The following RBFOX1 variants were observed in gnomAD, a reference collection of about 807,000 sequenced individuals.
The protein encoded by RBFOX1 is RNA binding fox-1 homolog 1.
A neutral mutation model predicts 57.7 loss-of-function variants in RBFOX1; 8 were observed. The ratio of observed to expected loss-of-function variants is 0.14; its 90% confidence interval spans 0.08 to 0.25. The LOEUF is 0.25. RBFOX1 is among the 10% of genes least tolerant of loss of function. The pLI is 1.00. For synonymous variants in RBFOX1, 326 were observed against 222.4 expected (o/e 1.47, Z -4.15); for missense variants, 611 against 548.5 (o/e 1.11, Z -1.14).
At chr16:7,002,015 G>C (rs1051961231) in intron 3 of RBFOX1, among the ~76,000 whole-genome samples, 3 of 152,048 alleles carry the variant, frequency 2.0e-5, no homozygotes, top group Admixed American at 6.6e-5. Flanking sequence ...GTATCCCTGG[G>C]CATAGTTGAT....
chr16:5,988,598 G>A (rs1217434645), intron 4 of RBFOX1, among the ~76,000 whole-genome samples: 1 of 152,122 alleles, frequency 6.6e-6, no homozygotes, highest in East Asian at 1.9e-4. Context: ...CCACTGGGAC[G>A]ACTGAGTGCC....
intron 3 of RBFOX1, among the ~76,000 whole-genome samples, chr16:6,969,655 G>A (rs1249299769): frequency 6.6e-6 from 1 of 152,130 alleles, no homozygotes; most frequent in Non-Finnish European, 1.5e-5. Context: ...GAGGTGGGAG[G>A]ATGGCTTGAG....
At chr16:7,509,991 T>C in intron 4 of RBFOX1, 1 of 173,812 alleles carries the variant, frequency 5.8e-6, no homozygotes, top group Non-Finnish European at 1.1e-5. Flanking sequence ...CCCTTCCTCC[T>C]CTATATAATC....
intron 9 of RBFOX1, among the ~76,000 whole-genome samples, chr16:7,601,681 C>T (rs555951905): frequency 2.8e-4 from 43 of 152,246 alleles, no homozygotes; most frequent in African/African-American, 9.4e-4. Flanking sequence ...CATTTAATCT[C>T]CCTATCAGTC....
chr16:6,250,693 GCA>G (rs2097602810), intron 1 of RBFOX1, among the ~76,000 whole-genome samples: 1 of 152,166 alleles, frequency 6.6e-6, no homozygotes, highest in African/African-American at 2.4e-5. Context: ...GCTGTTCTCA[GCA>G]TGGAGTATGT....
intron 4 of RBFOX1, among the ~76,000 whole-genome samples, chr16:5,992,294 G>C (rs758120888): frequency 1.3e-5 from 2 of 152,172 alleles, no homozygotes; most frequent in Non-Finnish European, 2.9e-5. Flanking sequence ...GATTGCAATA[G>C]ATAGGGAAAA....
At chr16:5,369,652 C>G (rs1003483606) in intron 1 of RBFOX1, among the ~76,000 whole-genome samples, 13 of 152,282 alleles carry the variant, frequency 8.5e-5, no homozygotes, top group African/African-American at 3.1e-4. Context: ...TGCTTCTGGG[C>G]TATTTATAAA....
At chr16:6,403,724 C>T (rs1480930962) in intron 2 of RBFOX1, among the ~76,000 whole-genome samples, 5 of 152,034 alleles carry the variant, frequency 3.3e-5, no homozygotes, top group African/African-American at 1.2e-4. Context: ...GGAGAGGACA[C>T]CGAAGGACTG....
intron 4 of RBFOX1, among the ~76,000 whole-genome samples, chr16:7,328,163 C>T (rs1052866150): frequency 6.6e-6 from 1 of 152,024 alleles, no homozygotes; most frequent in African/African-American, 2.4e-5. Context: ...ACCACTGTGC[C>T]CAGCTTATGT....
At chr16:6,948,639 C>T (rs1299285150) in intron 3 of RBFOX1, among the ~76,000 whole-genome samples, 1 of 151,952 alleles carries the variant, frequency 6.6e-6, no homozygotes, top group Non-Finnish European at 1.5e-5. Context: ...GCCTTGGCCT[C>T]CCAAAGTGCT....
chr16:5,498,185 C>T (rs963788759), intron 2 of RBFOX1, among the ~76,000 whole-genome samples: 2 of 152,132 alleles, frequency 1.3e-5, no homozygotes, highest in Admixed American at 6.5e-5. Context: ...TCTTGTTGCC[C>T]AGGCTGGAGT....
intron 4 of RBFOX1, among the ~76,000 whole-genome samples, chr16:7,343,640 G>T (rs1461595119): frequency 1.3e-5 from 2 of 152,170 alleles, no homozygotes; most frequent in African/African-American, 4.8e-5. Context: ...TGTGTGAGGG[G>T]TTTCACTTGT....
At chr16:7,187,759 A>G in intron 4 of RBFOX1, among the ~76,000 whole-genome samples, 1 of 151,182 alleles carries the variant, frequency 6.6e-6, no homozygotes, top group African/African-American at 2.4e-5. Context: ...AAATCTTAGA[A>G]ACAAAAATCG....
intron 4 of RBFOX1, among the ~76,000 whole-genome samples, chr16:5,963,449 G>C (rs75502973): frequency 0.049 from 7,447 of 152,286 alleles, 292 homozygotes; most frequent in East Asian, 0.16. Context: ...GTTGAATCTT[G>C]AGCAAGATTA....
At chr16:5,429,708 C>T (rs577761671) in intron 1 of RBFOX1, among the ~76,000 whole-genome samples, 11 of 152,286 alleles carry the variant, frequency 7.2e-5, no homozygotes, top group South Asian at 6.2e-4. Context: ...CCTTCAAAAC[C>T]GTCTCAAATA....
chr16:7,013,168 T>A (rs2093732520), intron 3 of RBFOX1, among the ~76,000 whole-genome samples: 1 of 152,240 alleles, frequency 6.6e-6, no homozygotes, highest in South Asian at 2.1e-4. Context: ...GGTGTAATGC[T>A]CTGATACTCA....
At chr16:5,944,084 G>C (rs1337091782) in intron 4 of RBFOX1, among the ~76,000 whole-genome samples, 2 of 151,868 alleles carry the variant, frequency 1.3e-5, no homozygotes, top group Non-Finnish European at 2.9e-5. Flanking sequence ...CACATACATA[G>C]AGCATCAATT....
chr16:7,220,868 T>C (rs1378872174), intron 4 of RBFOX1, among the ~76,000 whole-genome samples: 2 of 152,098 alleles, frequency 1.3e-5, no homozygotes, highest in Admixed American at 1.3e-4. Flanking sequence ...TCCTACTTTC[T>C]GCTTGTTAAG....
chr16:6,767,570 T>G (rs1298026410), intron 3 of RBFOX1, among the ~76,000 whole-genome samples: 2 of 152,126 alleles, frequency 1.3e-5, no homozygotes, highest in African/African-American at 4.8e-5. Flanking sequence ...ATGTCAAATA[T>G]AGCATTTGTG....
Sources: gnomAD v4.1 joint callset for allele counts (sites outside exome capture counted in the v4.1 genomes callset) on GRCh38, gnomAD v4.1.1 for gene constraint, MANE v1.5 for transcripts, NCBI Gene and HGNC (gene_info 2026-07-23, HGNC 2026-07-21) for gene names.